Variants in PIK3R6 observed in about 807,000 individuals in gnomAD.
The protein encoded by PIK3R6 is phosphoinositide-3-kinase regulatory subunit 6.
In PIK3R6, 91 loss-of-function variants were observed where a neutral mutation model predicts 84.9. The observed-to-expected ratio is 1.07, with a 90% confidence interval of 0.90 to 1.28. The LOEUF (loss-of-function observed/expected upper bound fraction) is 1.28. Ranked by LOEUF, PIK3R6 falls within the 50% of genes most tolerant of loss-of-function variation. The pLI is 0.00. For missense variants in PIK3R6, 996 were observed against 985.1 expected, an observed-to-expected ratio of 1.01 and a Z score of -0.15; for synonymous variants, 416 against 411.4, an observed-to-expected ratio of 1.01 and a Z score of -0.13.
intron 2 of PIK3R6, among the ~76,000 whole-genome samples, chr17:8,845,802 C>T (rs1597427189): frequency 1.3e-5 from 2 of 152,062 alleles, no homozygotes; most frequent in Non-Finnish European, 2.9e-5. Context: ...CAAAAATTAG[C>T]TAGGCGTAAT....
At position 8,822,610 on chromosome 17, in the gene PIK3R6, C is replaced by T. The variant is rs1268811684; in HGVS notation, c.1765G>A (p.Glu589Lys). ...RRGVAEGPGAELSLCYQKALL... is the reference protein window; with the variant it reads ...RRGVAEGPGAKLSLCYQKALL... ...ACCTTCTGGTAGCATAGGGAGAGCT[C>T]TGCCCCTGGGCCCTCAGCCACGCCT... Residue 589 changes from glutamate to lysine, a missense_variant, in exon 16 of 20, where the codon GAG becomes AAG. By Grantham distance (56) the Glu-to-Lys change is moderately conservative. Transcript: ENST00000619866. 1 of 1,613,936 alleles carries T rather than the reference C, an allele frequency of 6.2e-7. No individual in the cohort carries two copies. The highest frequency in any genetic ancestry group is 1.3e-5 in the African/African-American group (1 of 74,946).
chr17:8,831,155 A>C (rs2088223690), intron 9 of PIK3R6, among the ~76,000 whole-genome samples: 1 of 140,886 alleles, frequency 7.1e-6, no homozygotes, highest in Admixed American at 7.1e-5. Flanking sequence ...CAAAAAAAAA[A>C]AAAAAAAAAA....
chr17:8,818,007 G>T (rs905882887), intron 18 of PIK3R6, among the ~76,000 whole-genome samples: 1 of 152,034 alleles, frequency 6.6e-6, no homozygotes, highest in Non-Finnish European at 1.5e-5. Flanking sequence ...GGTCAAAGCT[G>T]GGGAAAGAGA....
intron 1 of PIK3R6, among the ~76,000 whole-genome samples, chr17:8,861,012 T>G (rs890315823): frequency 6.6e-6 from 1 of 152,046 alleles, no homozygotes; most frequent in Admixed American, 6.6e-5. Flanking sequence ...CTGGCCAACA[T>G]GGTGAAACCC....
chr17:8,819,689 T>TACAC (rs59882941), intron 17 of PIK3R6, among the ~76,000 whole-genome samples: 6 of 135,882 alleles, frequency 4.4e-5, no homozygotes, highest in African/African-American at 8.7e-5. Context: ...TATATATATA[T>TACAC]ACACACACAC....
At chr17:8,852,738 C>CAAAAAAA (rs34620144) in intron 1 of PIK3R6, among the ~76,000 whole-genome samples, 1 of 101,886 alleles carries the variant, frequency 9.8e-6, no homozygotes, top group African/African-American at 3.6e-5. Context: ...GACTCTGTCT[C>CAAAAAAA]AAAAAAAAAA....
chr17:8,836,538 G>A lies in PIK3R6; in HGVS notation c.461+9C>T. On this transcript the variant is annotated intron_variant, in intron 7 of 19. Coordinates refer to ENST00000619866, the MANE Select transcript of PIK3R6 (RefSeq NM_001010855.4). ...GGCTGAAGGTAGCAATTTTTCTGGG[G>A]CCACTCACCTCTCCTGGTAGGGATA... 1 of 1,613,876 alleles carries A rather than the reference G, an allele frequency of 6.2e-7. No individual in the cohort carries two copies. The highest frequency in any genetic ancestry group is 8.5e-7 in the Non-Finnish European group (1 of 1,179,840).
At position 8,803,247 on chromosome 17, in the gene PIK3R6, C is replaced by T; in HGVS notation, c.*26G>A. 2 of 1,611,470 alleles carry T rather than the reference C, an allele frequency of 1.2e-6. No individual in the cohort carries two copies. The highest frequency in any genetic ancestry group is 1.7e-6 in the Non-Finnish European group (2 of 1,179,462). The stretch of plus-strand genomic sequence containing the variant: ...GAGTTGGTGGGGTAGTGTATCCTTC[C>T]TCCTGGGCCTGCTGTCCCTGCAGGC... On this transcript the variant is annotated 3_prime_UTR_variant, in exon 20 of 20. Transcript: ENST00000619866. The surrounding 1 kb of genome is among the most constrained non-coding windows in gnomAD (Gnocchi z 5.0).
chr17:8,851,353 G>A (rs1385046398), intron 1 of PIK3R6, among the ~76,000 whole-genome samples: 2 of 151,978 alleles, frequency 1.3e-5, no homozygotes, highest in Admixed American at 6.6e-5. Context: ...AAAATTAGCC[G>A]GGCGTGGTGG....
chr17:8,832,887 A>C lies in PIK3R6; in HGVS notation c.802+2T>G. The C allele has an allele frequency of 6.2e-7, 1 of 1,612,424 alleles. No homozygotes were observed. The highest frequency in any genetic ancestry group is 8.5e-7 in the Non-Finnish European group (1 of 1,179,688). ...AAGGCCCCCCATCTGCCAGTCGCTT[A>C]CCACCGCAGCGCCCCGCCGCGGGAC... On this transcript the variant is annotated splice_donor_variant, in intron 9 of 19. Coordinates refer to ENST00000619866, the MANE Select transcript of PIK3R6 (RefSeq NM_001010855.4). LOFTEE classifies it high-confidence loss of function.
At chr17:8,825,433 A>G (rs2087885684) in intron 13 of PIK3R6, among the ~76,000 whole-genome samples, 1 of 152,260 alleles carries the variant, frequency 6.6e-6, no homozygotes, top group Admixed American at 6.5e-5. Flanking sequence ...TCAAAAGGCT[A>G]ATTTGTACAG....
At chr17:8,829,597 T>G in intron 10 of PIK3R6, 109 bp downstream of exon 10, 2 of 1,118,708 alleles carry the variant, frequency 1.8e-6, no homozygotes, top group Non-Finnish European at 2.6e-6. Flanking sequence ...CACACACTCA[T>G]GCATACACAC....
At chr17:8,820,478 G>A (rs775585365) in intron 17 of PIK3R6, among the ~76,000 whole-genome samples, 15 of 151,962 alleles carry the variant, frequency 9.9e-5, no homozygotes, top group South Asian at 6.2e-4. Context: ...GATAGTCAGC[G>A]GCAAAGCTGG....
chr17:8,860,955 G>C (rs2089267381), intron 1 of PIK3R6, among the ~76,000 whole-genome samples: 1 of 152,102 alleles, frequency 6.6e-6, no homozygotes, highest in Non-Finnish European at 1.5e-5. Context: ...ACAGCATTTT[G>C]GGAGGCCAAG....
chr17:8,822,982 A>T lies in PIK3R6; in HGVS notation c.1717+14T>A. 6.3e-7 allele frequency: 1 copy of T among 1,574,840 alleles called. No individual in the cohort carries two copies. The highest frequency in any genetic ancestry group is 8.7e-7 in the Non-Finnish European group (1 of 1,144,366). On this transcript the variant is annotated intron_variant, in intron 15 of 19. Transcript: ENST00000619866. ...GTCAGGGTGACCTTTGGCAAAAGGG[A>T]GGCAGATGCTTACCTTTGGGGAATT...
chr17:8,815,713 G>A (rs1333486596), intron 18 of PIK3R6, among the ~76,000 whole-genome samples: 1 of 152,118 alleles, frequency 6.6e-6, no homozygotes, highest in South Asian at 2.1e-4. Flanking sequence ...ACTCTTGAAG[G>A]CTACAAGCTC....
At position 8,822,619 on chromosome 17, in the gene PIK3R6, G is replaced by A. The variant is rs371595842; in HGVS notation, c.1756C>T (p.Pro586Ser). The A allele has an allele frequency of 6.8e-6, 11 of 1,613,884 alleles. No individual in the cohort carries two copies. In the East Asian group the frequency reaches 1.3e-4, roughly 20 times the overall value. Reference protein sequence around the residue: ...SPRRRGVAEGPGAELSLCYQK... With the variant: ...SPRRRGVAEGSGAELSLCYQK... Reference sequence around the variant, plus strand: ...TAGCATAGGGAGAGCTCTGCCCCTGGGCCCTCAGCCACGCCTCTCCTCCTG... The same window carrying A: ...TAGCATAGGGAGAGCTCTGCCCCTGAGCCCTCAGCCACGCCTCTCCTCCTG... Residue 586 changes from proline (P) to serine (S), a missense_variant, in exon 16 of 20, where the codon CCA becomes TCA. Pro to Ser is a moderately conservative substitution (Grantham distance 74). Coordinates refer to ENST00000619866, the MANE Select transcript of PIK3R6 (RefSeq NM_001010855.4).
At chr17:8,863,537 G>T (rs1416525333) in intron 1 of PIK3R6, among the ~76,000 whole-genome samples, 1 of 151,890 alleles carries the variant, frequency 6.6e-6, no homozygotes, top group Non-Finnish European at 1.5e-5. Context: ...AAGTGTGTGT[G>T]TGTGTGTTTT....
chr17:8,815,766 GACAA>G (rs908934776), intron 18 of PIK3R6, among the ~76,000 whole-genome samples: 3 of 152,082 alleles, frequency 2.0e-5, no homozygotes, highest in African/African-American at 4.8e-5. Context: ...GACACAAACA[GACAA>G]ACAAACAAAC....
Sources: gnomAD v4.1 joint callset for allele counts (sites outside exome capture counted in the v4.1 genomes callset) on GRCh38, gnomAD v4.1.1 for gene constraint, Gnocchi (gnomAD v3.1) non-coding constraint, MANE v1.5 for transcripts, NCBI Gene and HGNC (gene_info 2026-07-23, HGNC 2026-07-21) for gene names.